Variants in CIMIP2A observed in about 807,000 individuals in gnomAD.
CIMIP2A encodes ciliary microtubule inner protein 2A, also known as family with sequence similarity 166 member A.
the CIMIP2A span, chr9:137,244,074 A>G: frequency 2.4e-6 from 3 of 1,248,284 alleles, no homozygotes; most frequent in East Asian, 7.0e-5. Context: ...ATGGTCAGAC[A>G]GGTGGTCCTG....
the CIMIP2A span, chr9:137,253,454 G>C: frequency 7.0e-7 from 1 of 1,436,614 alleles, no homozygotes; most frequent in Admixed American, 2.8e-5. Flanking sequence ...CCATCTCCCC[G>C]CTACACTGAG....
chr9:137,247,682 G>C, the CIMIP2A span: 1 of 1,613,434 alleles, frequency 6.2e-7, no homozygotes. Flanking sequence ...TGAGGCTCCG[G>C]CGTGAAGAGA....
chr9:137,245,299 C>G, the CIMIP2A span: 1 of 1,582,142 alleles, frequency 6.3e-7, no homozygotes, highest in Non-Finnish European at 8.6e-7. Flanking sequence ...GGTGCATCCC[C>G]TGGCTGCCTG....
chr9:137,246,426 G>A, the CIMIP2A span, among the ~76,000 whole-genome samples: 10 of 152,164 alleles, frequency 6.6e-5, no homozygotes, highest in Non-Finnish European at 1.3e-4. Flanking sequence ...AGCGCCTCAG[G>A]GTCTATGTGA....
chr9:137,246,008 G>A, the CIMIP2A span, among the ~76,000 whole-genome samples: 7 of 152,324 alleles, frequency 4.6e-5, no homozygotes, highest in Non-Finnish European at 7.4e-5. Flanking sequence ...CTGTAAATGG[G>A]GCTGCAGTGG....
chr9:137,252,973 G>A, the CIMIP2A span: 3 of 1,589,918 alleles, frequency 1.9e-6, no homozygotes, highest in Admixed American at 1.7e-5. Context: ...CCTGTAAGGA[G>A]GCCTGGAGAG....
the CIMIP2A span, chr9:137,245,195 C>G: frequency 1.3e-6 from 2 of 1,580,846 alleles, no homozygotes; most frequent in Non-Finnish European, 1.7e-6. Context: ...GGGGTGGGTA[C>G]TCATCCCTCT....
the CIMIP2A span, chr9:137,245,667 C>T: frequency 2.5e-6 from 4 of 1,605,394 alleles, no homozygotes; most frequent in East Asian, 9.0e-5. Flanking sequence ...AGGGCTCCGT[C>T]AGGTCTTGGC....
chr9:137,252,390 C>G, the CIMIP2A span: 2 of 1,574,016 alleles, frequency 1.3e-6, no homozygotes, highest in Admixed American at 1.8e-5. Context: ...GGGACTGTCA[C>G]CTGGGTGGGG....
the CIMIP2A span, chr9:137,252,041 C>T: frequency 4.3e-6 from 7 of 1,612,840 alleles, no homozygotes; most frequent in Non-Finnish European, 5.9e-6. Context: ...ACCTGGAAGT[C>T]CCCAGCCCCA....
chr9:137,247,664 G>C, the CIMIP2A span: 1 of 1,613,084 alleles, frequency 6.2e-7, no homozygotes, highest in Non-Finnish European at 8.5e-7. Context: ...TCTCACCCAG[G>C]GACATAGTGA....
the CIMIP2A span, chr9:137,251,533 G>A: frequency 2.6e-5 from 25 of 949,806 alleles, no homozygotes; most frequent in African/African-American, 2.3e-4. Context: ...TGGGGCAGGC[G>A]GCTGGGAGCG....
chr9:137,253,380 T>A, the CIMIP2A span: 1 of 1,515,708 alleles, frequency 6.6e-7, no homozygotes, highest in South Asian at 1.2e-5. Flanking sequence ...GATGCACCCT[T>A]CTGGCTGGCC....
chr9:137,252,814 G>A, the CIMIP2A span: 8 of 1,567,226 alleles, frequency 5.1e-6, no homozygotes, highest in East Asian at 1.7e-4. Flanking sequence ...TGCAGCCCCA[G>A]TCCCTGCTTC....
the CIMIP2A span, chr9:137,252,710 G>A: frequency 3.9e-6 from 6 of 1,553,094 alleles, no homozygotes; most frequent in African/African-American, 2.7e-5. Context: ...CGCCTTCCCC[G>A]CCTTCAGCTT....
At chr9:137,245,871 GA>G in the CIMIP2A span, 1 of 1,493,372 alleles carries the variant, frequency 6.7e-7, no homozygotes, top group Non-Finnish European at 8.9e-7. Flanking sequence ...GGGAAGAGAA[GA>G]AGGCAGGGCA....
the CIMIP2A span, chr9:137,250,491 G>A: frequency 6.6e-6 from 1 of 152,430 alleles, no homozygotes; most frequent in Non-Finnish European, 1.5e-5. Flanking sequence ...AGAGAGGGCG[G>A]AGGAGGGCCC....
At chr9:137,251,697 C>T in the CIMIP2A span, 734 of 1,543,470 alleles carry the variant, frequency 4.8e-4, 1 homozygote, top group Non-Finnish European at 5.7e-4. Context: ...TGGCTGGGAG[C>T]GGCCGGGGGC....
chr9:137,255,047 G>C, the CIMIP2A span: 909 of 154,766 alleles, frequency 5.9e-3, 4 homozygotes, highest in African/African-American at 0.021. Context: ...CTGCAAGAGC[G>C]TTTTCCACGC....
Sources: gnomAD v4.1 joint callset for allele counts (sites outside exome capture counted in the v4.1 genomes callset) on GRCh38, gnomAD v4.1.1 for gene constraint, MANE v1.5 for transcripts, NCBI Gene and HGNC (gene_info 2026-07-23, HGNC 2026-07-21) for gene names.